Variants in RNF144A observed in about 807,000 individuals in gnomAD.
RNF144A encodes E3 ubiquitin-protein ligase RNF144A.
A neutral mutation model predicts 38.7 loss-of-function variants in RNF144A; 11 were observed. The ratio of observed to expected loss-of-function variants is 0.28; its 90% CI spans 0.18 to 0.47. The LOEUF (loss-of-function observed/expected upper bound fraction) is 0.47, where lower values mean the gene tolerates loss of function less well. RNF144A is among the 20% of genes least tolerant of loss of function. The pLI is 0.99. For synonymous variants in RNF144A, 149 were observed against 143.9 expected, an observed-to-expected ratio of 1.04 and a Z score of -0.25; for missense variants, 316 against 377.2, an observed-to-expected ratio of 0.84 and a Z score of 1.34.
intron 1 of RNF144A, among the ~76,000 whole-genome samples, chr2:6,924,436 G>A (rs1048114109): frequency 6.6e-6 from 1 of 152,266 alleles, no homozygotes; most frequent in African/African-American, 2.4e-5. Context: ...TGTCCTGGGA[G>A]TCTGGTGAGG....
intron 5 of RNF144A, among the ~76,000 whole-genome samples, chr2:7,016,727 G>A (rs146115054): frequency 5.7e-4 from 86 of 152,126 alleles, no homozygotes; most frequent in African/African-American, 2.0e-3. Flanking sequence ...CCTTGAAAGA[G>A]TTTGGAGACA....
chr2:6,930,258 G>A (rs1665118120), intron 1 of RNF144A, among the ~76,000 whole-genome samples: 1 of 152,168 alleles, frequency 6.6e-6, no homozygotes. Context: ...ATATTATTAA[G>A]TGAAAACAAT....
rs991625188 is a variant in RNF144A, at chr2:7,041,239, T to A, written c.*1479T>A. On this transcript the variant is annotated 3_prime_UTR_variant, in exon 9 of 9. Transcript: ENST00000320892. The stretch of plus-strand genomic sequence containing the variant: ...TATTTGCCCATCACAAGCACATTTT[T>A]AAAATGTTGCTTTGTGTGTGTTTGA... The A allele has an allele frequency of 1.0e-6, 1 of 985,644 alleles. No homozygotes were observed. Among genetic ancestry groups the A allele is most frequent in the Non-Finnish European group, 1.2e-6 (1 of 829,912 alleles). The allele number at this position is 985,644 out of a possible 1,614,324, so 61.1% of individuals were successfully genotyped here.
chr2:6,925,838 T>G (rs1332817287), intron 1 of RNF144A, among the ~76,000 whole-genome samples: 1 of 151,900 alleles, frequency 6.6e-6, no homozygotes. Context: ...ATATATCCTT[T>G]GGGGGAGACA....
chr2:6,942,890 A>C (rs1357659610), intron 2 of RNF144A, among the ~76,000 whole-genome samples: 3 of 152,230 alleles, frequency 2.0e-5, no homozygotes, highest in Non-Finnish European at 4.4e-5. Flanking sequence ...AGGCTGAGTC[A>C]GGAGAATTGC....
intron 3 of RNF144A, among the ~76,000 whole-genome samples, chr2:7,004,476 C>T (rs1319500709): frequency 6.6e-6 from 1 of 152,188 alleles, no homozygotes; most frequent in Non-Finnish European, 1.5e-5. Flanking sequence ...TCCAGTCCAC[C>T]AGATCAGATG....
rs895705847 is a variant in RNF144A at position 6,985,162 on chromosome 2, C to T, written c.-11-11754C>T. Reference sequence around the variant, plus strand: ...TTTCTGGGCAGGTGGTCAAATAAAGCTGTGGCCTAATACTGATAAATGAAA... The same window carrying T: ...TTTCTGGGCAGGTGGTCAAATAAAGTTGTGGCCTAATACTGATAAATGAAA... On this transcript the variant is annotated intron_variant, in intron 2 of 8. Transcript: ENST00000320892. 4.6e-5 allele frequency among the ~76,000 whole-genome samples: 7 copies of T among 152,016 alleles called. No individual in the cohort carries two copies. The East Asian group carries it at 1.3e-3, about 29-fold the overall frequency.
intron 2 of RNF144A, among the ~76,000 whole-genome samples, chr2:6,965,129 A>G (rs1416013698): frequency 1.3e-5 from 2 of 152,114 alleles, no homozygotes; most frequent in East Asian, 1.9e-4. Context: ...GTACTCAACA[A>G]ATTTCAAATG....
chr2:7,052,324 A>G (rs13388387), intron 6 of RNF144A, among the ~76,000 whole-genome samples: 19,672 of 152,112 alleles, frequency 0.13, 1,322 homozygotes, highest in African/African-American at 0.13. Context: ...GGCACTTTTC[A>G]TTTTCTAGTC....
At chr2:7,052,967 T>A (rs1673587609) in intron 6 of RNF144A, among the ~76,000 whole-genome samples, 1 of 152,238 alleles carries the variant, frequency 6.6e-6, no homozygotes, top group Non-Finnish European at 1.5e-5. Flanking sequence ...GCATTAAGTA[T>A]CTCTTGAAAA....
chr2:7,053,364 A>G (rs988899102), intron 6 of RNF144A, among the ~76,000 whole-genome samples: 3 of 152,208 alleles, frequency 2.0e-5, no homozygotes, highest in Non-Finnish European at 4.4e-5. Context: ...GTACCTTTAA[A>G]TATGTTTATC....
intron 1 of RNF144A, among the ~76,000 whole-genome samples, chr2:6,928,325 G>A (rs1383867623): frequency 3.3e-5 from 5 of 152,094 alleles, no homozygotes; most frequent in Non-Finnish European, 7.3e-5. Flanking sequence ...GTTCATTGCC[G>A]CAGGCCCCCT....
chr2:7,005,695 A>G (rs1204848228), intron 3 of RNF144A, among the ~76,000 whole-genome samples: 1 of 152,170 alleles, frequency 6.6e-6, no homozygotes, highest in Admixed American at 6.5e-5. Flanking sequence ...CTCACAGGCT[A>G]CAACCAGAGT....
chr2:7,042,070 G>C lies in RNF144A; in HGVS notation c.*2310G>C. ...TGGCACCTACTGGCTCTGACTTTTTGTATGAAGCATGCCTCAGTTTCCTCA... is the reference window on the plus strand; with the variant it reads ...TGGCACCTACTGGCTCTGACTTTTTCTATGAAGCATGCCTCAGTTTCCTCA... On this transcript the variant is annotated 3_prime_UTR_variant, in exon 9 of 9. Coordinates refer to ENST00000320892, the MANE Select transcript of RNF144A (RefSeq NM_014746.6). The C allele has an allele frequency of 1.0e-6, 1 of 985,348 alleles. No homozygotes were observed. Among genetic ancestry groups the C allele is most frequent in the Non-Finnish European group, 1.2e-6 (1 of 829,900 alleles). 61.0% of individuals were successfully genotyped at this position (985,348 alleles called of 1,614,324 possible).
intron 2 of RNF144A, among the ~76,000 whole-genome samples, chr2:6,993,124 G>A (rs1669502263): frequency 1.3e-5 from 2 of 152,204 alleles, no homozygotes; most frequent in African/African-American, 4.8e-5. Flanking sequence ...GATGGGTTTA[G>A]ACAATATAGA....
chr2:7,015,143 T>G (rs1288790181), intron 5 of RNF144A, among the ~76,000 whole-genome samples: 1 of 152,116 alleles, frequency 6.6e-6, no homozygotes, highest in Admixed American at 6.5e-5. Context: ...TGCAGAGTCA[T>G]GGAGGGAAGT....
chr2:7,052,003 C>G (rs1673546052), intron 6 of RNF144A, among the ~76,000 whole-genome samples: 1 of 152,124 alleles, frequency 6.6e-6, no homozygotes, highest in Non-Finnish European at 1.5e-5. Context: ...TCATATTACT[C>G]CTCCCTTAGT....
In RNF144A at chr2:6,921,772, C is replaced by CT. The variant is rs537076985; in HGVS notation, c.-212+4151dup. On this transcript the variant is annotated intron_variant, in intron 1 of 8. Coordinates refer to ENST00000320892, the MANE Select transcript of RNF144A (RefSeq NM_014746.6). ...CCCCGGGTGGCAGGGAGGCTGCCTG[C>CT]TGGGGCGATGCTGTTGGTCTGGGAT... is the stretch of plus-strand genomic sequence containing the variant. 3.4e-3 allele frequency among the ~76,000 whole-genome samples: 525 copies of CT among 152,238 alleles called. 6 individuals are homozygous for CT. Among genetic ancestry groups the CT allele is most frequent in the African/African-American group, 0.012 (511 of 41,552 alleles).
rs1666181971 is a variant in RNF144A, at chr2:6,944,034, T to C, written c.-12+2887T>C. On this transcript the variant is annotated intron_variant, in intron 2 of 8. Coordinates refer to ENST00000320892, the MANE Select transcript of RNF144A (RefSeq NM_014746.6). This position sits in a 1 kb window ranked among gnomAD's most constrained non-coding sequence, Gnocchi z 4.7. ...GGATTGAGTGATCTTTTGGCCAAGC[T>C]GAGAGGGACACAGTGAAAGAATGGC... is the stretch of plus-strand genomic sequence containing the variant. Among the ~76,000 whole-genome samples, 1 of 152,156 alleles carries C rather than the reference T, an allele frequency of 6.6e-6. No homozygotes were observed. Among genetic ancestry groups the C allele is most frequent in the African/African-American group, 2.4e-5 (1 of 41,492 alleles).
Sources: allele counts gnomAD v4.1 joint callset (sites outside exome capture counted in the v4.1 genomes callset), GRCh38; gene constraint gnomAD v4.1.1; non-coding constraint Gnocchi (gnomAD v3.1); transcripts MANE v1.5; gene names NCBI Gene and HGNC (gene_info 2026-07-23, HGNC 2026-07-21).